The following GCA variants were observed in gnomAD, a reference collection of about 807,000 sequenced individuals.
GCA encodes the protein grancalcin, EF-hand calcium-binding protein.
Under a neutral mutation model 32.6 loss-of-function variants are expected in GCA, and 30 were observed. The observed-to-expected ratio is 0.92, with a 90% CI of 0.69 to 1.25. GCA has a LOEUF of 1.25. GCA is among the 50% of genes most tolerant of loss of function. The pLI is 0.00. For missense variants in GCA, 291 were observed against 266.8 expected, an observed-to-expected ratio of 1.09 and a Z score of -0.63; for synonymous variants, 102 against 84.6, an observed-to-expected ratio of 1.21 and a Z score of -1.13.
intron 1 of GCA, chr2:162,344,488 A>G: frequency 1.7e-6 from 1 of 583,740 alleles, no homozygotes. Context: ...GTCGTTGAGG[A>G]CCCTCGAGGA....
At chr2:162,335,414 CAAA>C (rs573005587) in intron 1 of GCA, among the ~76,000 whole-genome samples, 8 of 58,278 alleles carry the variant, frequency 1.4e-4, no homozygotes, top group Admixed American at 1.9e-4. Context: ...GACTCTGTCT[CAAA>C]AAAAAAAAAA....
Position 162,344,217 on chromosome 2 carries a change from G to A in GCA, c.-32G>A, listed in dbSNP as rs1338729919. ...TCCCAGCACTGCGGACGCGACTCGA[G>A]GGTGACGCTCGCTCCGCTCGTCCCG... On this transcript the variant is annotated 5_prime_UTR_variant, in exon 1 of 8. Transcript: ENST00000437150. 6 of 1,613,508 alleles carry A rather than the reference G, an allele frequency of 3.7e-6. No individual in the cohort carries two copies. In the African/African-American group the frequency reaches 8.0e-5, roughly 22 times the overall value.
chr2:162,335,879 A>G (rs1339794693), intron 1 of GCA, among the ~76,000 whole-genome samples: 1 of 152,220 alleles, frequency 6.6e-6, no homozygotes, highest in African/African-American at 2.4e-5. Context: ...TAATGACTAG[A>G]ACCAATTAAC....
downstream of GCA, among the ~76,000 whole-genome samples, chr2:162,372,486 C>T (rs540920736): frequency 4.7e-4 from 71 of 152,096 alleles, 1 homozygote; most frequent in East Asian, 8.5e-3. Context: ...AAGTAAAATC[C>T]GTCATCCCTA....
At chr2:162,339,737 G>A (rs945767171), upstream of GCA, among the ~76,000 whole-genome samples, 3 of 152,162 alleles carry the variant, frequency 2.0e-5, no homozygotes, top group African/African-American at 7.2e-5. Context: ...CAGGGAGAAG[G>A]CAGCCATCTG....
At chr2:162,368,936 C>G (rs982786571) in intron 4 of GCA, among the ~76,000 whole-genome samples, 2 of 152,066 alleles carry the variant, frequency 1.3e-5, no homozygotes, top group African/African-American at 4.8e-5. Context: ...TGTTTCAGCT[C>G]TTTGCCCAGC....
Position 162,347,746 on chromosome 2 carries a change from A to G in GCA, c.192+4A>G, listed in dbSNP as rs1684784847. ...CTTCAGTGCTGTTGCTGGACAGGTG[A>G]GATGCTAAATTTATTGCATAAATAT... On this transcript the variant is annotated splice_donor_region_variant and intron_variant, in intron 2 of 7. Transcript: ENST00000437150. 1.3e-6 allele frequency: 2 copies of G among 1,489,668 alleles called. No individual in the cohort carries two copies. The highest frequency in any genetic ancestry group is 2.1e-5 in the Admixed American group (1 of 48,206). The allele number at this position is 1,489,668 out of a possible 1,614,324, so 92.3% of individuals were successfully genotyped here. A position where few individuals can be genotyped will look rare whatever the true frequency, so the allele number is the denominator to read the frequency against.
intron 1 of GCA, among the ~76,000 whole-genome samples, chr2:162,329,575 A>ATTT (rs1186978565): frequency 1.3e-5 from 2 of 151,454 alleles, no homozygotes; most frequent in African/African-American, 4.8e-5. Context: ...ACATGTGAAG[A>ATTT]TTTTCTAAAT....
At chr2:162,371,750 T>C, downstream of GCA, 2 of 1,327,054 alleles carry the variant, frequency 1.5e-6, no homozygotes, top group Non-Finnish European at 2.1e-6. Context: ...CTGAGTCAAG[T>C]AGAGAGGATT....
upstream of GCA, chr2:162,344,044 C>T: frequency 1.6e-6 from 1 of 610,076 alleles, no homozygotes; most frequent in Non-Finnish European, 3.0e-6. Flanking sequence ...GAGTTGGCTC[C>T]AAAGTGTGGG....
At position 162,361,190 on chromosome 2, in the gene GCA, AC is replaced by A. The variant is rs1685556379; in HGVS notation, c.*950del. ...ATTAGTGGTGGCTTTGCCATTAAAA[AC>A]CCAGTAAGTATTTTGAGTGCATCTA... On this transcript the variant is annotated 3_prime_UTR_variant, in exon 8 of 8. Coordinates refer to ENST00000437150, the MANE Select transcript of GCA (RefSeq NM_012198.5). The A allele has an allele frequency of 9.1e-6, 9 of 985,100 alleles. No homozygotes were observed. In the South Asian group the frequency reaches 3.8e-4, roughly 41 times the overall value. The allele number at this position is 985,100 out of a possible 1,614,324, so 61.0% of individuals were successfully genotyped here.
chr2:162,336,973 G>C (rs1157129653), intron 1 of GCA, among the ~76,000 whole-genome samples: 1 of 152,090 alleles, frequency 6.6e-6, no homozygotes. Flanking sequence ...AATTTCATGG[G>C]TTGAAACGCT....
intron 4 of GCA, among the ~76,000 whole-genome samples, chr2:162,368,845 A>T (rs1685836638): frequency 6.6e-6 from 1 of 151,972 alleles, no homozygotes; most frequent in African/African-American, 2.4e-5. Flanking sequence ...CCCCATGAGA[A>T]TTGTGCTTCA....
upstream of GCA, among the ~76,000 whole-genome samples, chr2:162,343,260 C>T (rs1032298902): frequency 7.2e-5 from 11 of 152,218 alleles, no homozygotes; most frequent in African/African-American, 2.4e-4. Flanking sequence ...GCTGCCTTGT[C>T]CTTTTAAAGT....
intron 1 of GCA, among the ~76,000 whole-genome samples, chr2:162,333,609 CT>C (rs1288785368): frequency 6.6e-6 from 1 of 151,982 alleles, no homozygotes; most frequent in African/African-American, 2.4e-5. Flanking sequence ...CATATTCATA[CT>C]ATGTGAGAGA....
Position 162,360,697 on chromosome 2 carries a change from AT to A in GCA, c.*458del. On this transcript the variant is annotated 3_prime_UTR_variant, in exon 8 of 8. Transcript: ENST00000437150. ...GGGTTGGCTAGAAATGAAAGCCTGGATTTTGTGCCATGTTTGTAATATAGTT... is the reference window on the plus strand; with the variant it reads ...GGGTTGGCTAGAAATGAAAGCCTGGATTTGTGCCATGTTTGTAATATAGTT... 1 of 1,351,590 alleles carries A rather than the reference AT, an allele frequency of 7.4e-7. No individual in the cohort carries two copies. Among genetic ancestry groups the A allele is most frequent in the Non-Finnish European group, 9.5e-7 (1 of 1,053,310 alleles). 83.7% of individuals were successfully genotyped at this position (1,351,590 alleles called of 1,614,324 possible). A position where few individuals can be genotyped will look rare whatever the true frequency, so the allele number is the denominator to read the frequency against.
chr2:162,319,141 A>T, exon 1 of GCA: 1 of 456,744 alleles, frequency 2.2e-6, no homozygotes, highest in South Asian at 1.5e-5. Context: ...AGAGATGTGG[A>T]GAAGACAGGA....
chr2:162,356,351 T>A, intron 3 of GCA, 87 bp from the exon 4 acceptor site: 1 of 779,306 alleles, frequency 1.3e-6, no homozygotes, highest in Non-Finnish European at 2.3e-6. Flanking sequence ...AGTTTTTTAA[T>A]GTTTTATTTT....
downstream of GCA, chr2:162,373,603 G>T (rs778347463): frequency 1.3e-6 from 2 of 1,570,804 alleles, no homozygotes; most frequent in African/African-American, 1.4e-5. Flanking sequence ...GACCACAGTG[G>T]TTTGTTTCTG....
Sources: allele counts gnomAD v4.1 joint callset (sites outside exome capture counted in the v4.1 genomes callset), GRCh38; gene constraint gnomAD v4.1.1; transcripts MANE v1.5; gene names NCBI Gene and HGNC (gene_info 2026-07-23, HGNC 2026-07-21).